CBX5: variants seen among roughly 807,000 people sequenced by gnomAD.
CBX5 encodes chromobox 5.
In CBX5, 7 loss-of-function variants were observed where a neutral mutation model predicts 20.7. The observed-to-expected ratio is 0.34, with a 90% CI of 0.19 to 0.63. CBX5 has a LOEUF of 0.63. Among genes scored for constraint, CBX5 ranks in the 30% least tolerant of loss-of-function variants. The pLI is 0.75. For synonymous variants in CBX5, 78 were observed against 77.0 expected, an observed-to-expected ratio of 1.01 and a Z score of -0.07; for missense variants, 110 against 224.1, an observed-to-expected ratio of 0.49 and a Z score of 3.25.
rs548399251 is a variant in CBX5 at position 54,246,759 on chromosome 12, C to A, written c.325-544G>T. Among the ~76,000 whole-genome samples the A allele has an allele frequency of 3.5e-3, 392 of 111,848 alleles. 1 individual carries two copies. The highest frequency in any genetic ancestry group is 0.013 in the African/African-American group (365 of 28,436). The allele number at this position is 111,848 out of a possible 152,430, so 73.4% of individuals were successfully genotyped here. On this transcript the variant is annotated intron_variant, in intron 3 of 4. Transcript: ENST00000209875. ...CCGCACCACTGCATTCCAGCCTGGG[C>A]AACATAGCAAGACTCCGTCTCAAAA...
rs772464891 is a variant in CBX5 at position 54,232,437 on chromosome 12, A to C, written c.*9318T>G. ...CTTTGATTTACAATGCCTCACAACAACACCCCTGTGAGGTAGGTCAGTATT... is the reference window on the plus strand; with the variant it reads ...CTTTGATTTACAATGCCTCACAACACCACCCCTGTGAGGTAGGTCAGTATT... On this transcript the variant is annotated 3_prime_UTR_variant, in exon 5 of 5. Coordinates refer to ENST00000209875, the MANE Select transcript of CBX5 (RefSeq NM_012117.3). The C allele has an allele frequency of 6.6e-6, 1 of 152,116 alleles. No individual in the cohort carries two copies. Among genetic ancestry groups the C allele is most frequent in the African/African-American group, 2.4e-5 (1 of 41,402 alleles). The allele number at this position is 152,116 out of a possible 1,614,324, so 9.4% of individuals were successfully genotyped here.
At chr12:54,276,438 G>A (rs889462712) in intron 1 of CBX5, among the ~76,000 whole-genome samples, 2 of 152,168 alleles carry the variant, frequency 1.3e-5, no homozygotes, top group Non-Finnish European at 2.9e-5. Flanking sequence ...GTTGATTACT[G>A]TACCGAAAGT....
chr12:54,251,516 CAAAA>C (rs55662273), intron 3 of CBX5, among the ~76,000 whole-genome samples: 2 of 68,096 alleles, frequency 2.9e-5, no homozygotes, highest in Admixed American at 1.8e-4. Context: ...GACTCTGTCT[CAAAA>C]AAAAAAAAAA....
At chr12:54,252,686 G>C (rs1326366117) in intron 2 of CBX5, among the ~76,000 whole-genome samples, 4 of 152,088 alleles carry the variant, frequency 2.6e-5, no homozygotes, top group African/African-American at 9.7e-5. Flanking sequence ...CAAATTTATA[G>C]AGACAGAAAG....
chr12:54,236,718 A>G lies in CBX5; in HGVS notation c.*5037T>C, dbSNP rs1446088408. The G allele has an allele frequency of 6.6e-6, 1 of 152,170 alleles. No individual in the cohort carries two copies. The highest frequency in any genetic ancestry group is 1.5e-5 in the Non-Finnish European group (1 of 68,028). The allele number at this position is 152,170 out of a possible 1,614,324, so 9.4% of individuals were successfully genotyped here. A position where few individuals can be genotyped will look rare whatever the true frequency, so the allele number is the denominator to read the frequency against. ...CTTTAAATTGTGAGAAACCATTTCC[A>G]CATTTCAGATCTAACGGTGTTCTCA... is the stretch of plus-strand genomic sequence containing the variant. On this transcript the variant is annotated 3_prime_UTR_variant, in exon 5 of 5. Coordinates refer to ENST00000209875, the MANE Select transcript of CBX5 (RefSeq NM_012117.3).
chr12:54,275,221 G>A (rs1944050257), intron 1 of CBX5, among the ~76,000 whole-genome samples: 3 of 151,924 alleles, frequency 2.0e-5, no homozygotes, highest in Non-Finnish European at 4.4e-5. Flanking sequence ...TTTAGATTTG[G>A]TTGCAATAGT....
rs778142192 is a variant in CBX5, at chr12:54,274,783, C to CA, written c.-43+5224dup. Among the ~76,000 whole-genome samples the CA allele has an allele frequency of 5.1e-4, 78 of 151,902 alleles. 1 individual carries two copies. The highest frequency in any genetic ancestry group is 1.0e-3 in the Non-Finnish European group (68 of 67,932). The stretch of plus-strand genomic sequence containing the variant: ...TGAAATCCTGTCTCTACTAAAAATA[C>CA]AAAAAAATTAGCCAGGCATGGTGGC... On this transcript the variant is annotated intron_variant, in intron 1 of 4. Transcript: ENST00000209875.
At chr12:54,275,009 C>T (rs1944047590) in intron 1 of CBX5, among the ~76,000 whole-genome samples, 1 of 152,084 alleles carries the variant, frequency 6.6e-6, no homozygotes, top group Non-Finnish European at 1.5e-5. Context: ...TACCCTGATA[C>T]CAAACCTTTC....
chr12:54,279,309 A>C (rs1944104605), intron 1 of CBX5, among the ~76,000 whole-genome samples: 1 of 152,140 alleles, frequency 6.6e-6, no homozygotes. Flanking sequence ...CAAACAAAAA[A>C]AAACAACTCC....
rs1943597631 is a variant in CBX5, at chr12:54,234,254, T to C, written c.*7501A>G. On this transcript the variant is annotated 3_prime_UTR_variant, in exon 5 of 5. Transcript: ENST00000209875. ...TACAGGAACCATTCCAAGACCTAAATAGATTTTTTTTTTTTTCCTCACTGA... is the reference window on the plus strand; with the variant it reads ...TACAGGAACCATTCCAAGACCTAAACAGATTTTTTTTTTTTTCCTCACTGA... The C allele has an allele frequency of 7.5e-6, 1 of 134,074 alleles. No homozygotes were observed. Among genetic ancestry groups the C allele is most frequent in the Non-Finnish European group, 1.6e-5 (1 of 62,378 alleles). 8.3% of individuals were successfully genotyped at this position (134,074 alleles called of 1,614,324 possible). A position where few individuals can be genotyped will look rare whatever the true frequency, so the allele number is the denominator to read the frequency against.
intron 1 of CBX5, among the ~76,000 whole-genome samples, chr12:54,260,048 T>C (rs1257087232): frequency 7.1e-6 from 1 of 139,864 alleles, no homozygotes; most frequent in African/African-American, 2.7e-5. Flanking sequence ...AGGGGAAAAA[T>C]AACAGGAAAC....
rs1246418683 is a variant in CBX5 at position 54,238,296 on chromosome 12, G to C, written c.*3459C>G. The C allele has an allele frequency of 6.6e-6, 1 of 152,184 alleles. No homozygotes were observed. The highest frequency in any genetic ancestry group is 1.9e-4 in the East Asian group (1 of 5,194). The allele number at this position is 152,184 out of a possible 1,614,324, so 9.4% of individuals were successfully genotyped here. On this transcript the variant is annotated 3_prime_UTR_variant, in exon 5 of 5. Transcript: ENST00000209875. ...AGACTACCTCCAAGAATCATCCACG[G>C]AAGGATGTCAGCCATTTAACCAGGG... is the stretch of plus-strand genomic sequence containing the variant.
In CBX5 at chr12:54,257,573, T is replaced by C; in HGVS notation, c.78A>G (p.Leu26=). 1 of 1,614,208 alleles carries C rather than the reference T, an allele frequency of 6.2e-7. No individual in the cohort carries two copies. Among genetic ancestry groups the C allele is most frequent in the Non-Finnish European group, 8.5e-7 (1 of 1,180,026 alleles). ...DEEEYVVEKV[L]DRRVVKGQVE... is the part of the protein sequence containing the mutation. Reference sequence around the variant, plus strand: ...CTTGTCCCTTAACCACGCGCCTGTCTAGCACCTTCTCCACAACATACTCCT... The same window carrying C: ...CTTGTCCCTTAACCACGCGCCTGTCCAGCACCTTCTCCACAACATACTCCT... The change falls in exon 2 of 5, where the codon CTA becomes CTG. Residue 26 remains leucine, a synonymous_variant. Coordinates refer to ENST00000209875, the MANE Select transcript of CBX5 (RefSeq NM_012117.3).
In CBX5 at chr12:54,246,165, C is replaced by T. The variant is rs957223675; in HGVS notation, c.375G>A (p.Lys125=). 6.2e-7 allele frequency: 1 copy of T among 1,613,744 alleles called. No individual in the cohort carries two copies. Among genetic ancestry groups the T allele is most frequent in the Non-Finnish European group, 8.5e-7 (1 of 1,179,782 alleles). Residue 125 remains lysine, a synonymous_variant, in exon 4 of 5, where the codon AAG becomes AAA. Transcript: ENST00000209875. ...CACAGGAATCTGTTGCCCCAATGAT[C>T]TTTTCTGGTTCCAGTCCTCTCTCAA... is the stretch of plus-strand genomic sequence containing the variant. The part of the protein sequence containing the change: ...RGFERGLEPE[K]IIGATDSCGD...
intron 1 of CBX5, among the ~76,000 whole-genome samples, chr12:54,275,188 ATT>A (rs1338731423): frequency 6.6e-6 from 1 of 152,120 alleles, no homozygotes; most frequent in African/African-American, 2.4e-5. Flanking sequence ...GACAGAATAT[ATT>A]CCCCTTTAGT....
chr12:54,251,827 C>T (rs938393745), intron 3 of CBX5, among the ~76,000 whole-genome samples: 104 of 152,280 alleles, frequency 6.8e-4, no homozygotes, highest in African/African-American at 2.4e-3. Flanking sequence ...AATTTTGCCC[C>T]CTTAATACAA....
intron 4 of CBX5, among the ~76,000 whole-genome samples, chr12:54,243,525 C>T (rs1481269348): frequency 8.5e-5 from 13 of 152,276 alleles, no homozygotes; most frequent in Admixed American, 5.2e-4. Flanking sequence ...TACGCCACTG[C>T]ACTCCAGCCT....
At chr12:54,257,270 C>T (rs1409860881) in intron 2 of CBX5, among the ~76,000 whole-genome samples, 1 of 152,132 alleles carries the variant, frequency 6.6e-6, no homozygotes, top group African/African-American at 2.4e-5. Context: ...TAGACCCAAG[C>T]AATCTGACTC....
At chr12:54,246,012 A>G in intron 4 of CBX5, 103 bp downstream of exon 4, 2 of 805,318 alleles carry the variant, frequency 2.5e-6, no homozygotes, top group Non-Finnish European at 4.3e-6. Flanking sequence ...GACATTCAAA[A>G]TTCATGGTTT....
Sources: gnomAD v4.1 joint callset for allele counts (sites outside exome capture counted in the v4.1 genomes callset) on GRCh38, gnomAD v4.1.1 for gene constraint, MANE v1.5 for transcripts, NCBI Gene and HGNC (gene_info 2026-07-23, HGNC 2026-07-21) for gene names.